Variants in SEMA3D observed in about 807,000 individuals in gnomAD.
SEMA3D encodes the protein semaphorin 3D.
Under a neutral mutation model 100.1 loss-of-function variants are expected in SEMA3D, and 84 were observed. The observed-to-expected ratio is 0.84, with a 90% confidence interval of 0.70 to 1.01. SEMA3D has a LOEUF of 1.01. SEMA3D is among the 50% of genes least tolerant of loss of function. The pLI is 0.00. For synonymous variants in SEMA3D, 312 were observed against 320.7 expected (o/e 0.97, Z 0.29); for missense variants, 875 against 934.1 (o/e 0.94, Z 0.82).
At chr7:85,102,394 C>T (rs1201170768) in intron 3 of SEMA3D, among the ~76,000 whole-genome samples, 1 of 151,934 alleles carries the variant, frequency 6.6e-6, no homozygotes. Context: ...GAATTCCCAG[C>T]ACCTAGCTCA....
At chr7:85,157,931 G>A (rs1790644228) in intron 1 of SEMA3D, among the ~76,000 whole-genome samples, 1 of 152,066 alleles carries the variant, frequency 6.6e-6, no homozygotes, top group Admixed American at 6.6e-5. Flanking sequence ...TGTCTTTACT[G>A]CAGTCTCTGA....
chr7:85,109,214 A>T (rs1424007347), intron 3 of SEMA3D, among the ~76,000 whole-genome samples: 4 of 151,958 alleles, frequency 2.6e-5, no homozygotes, highest in East Asian at 1.9e-4. Flanking sequence ...TAATTTCCAG[A>T]TGAGAAAACC....
chr7:85,231,593 G>A, the SEMA3D span, among the ~76,000 whole-genome samples: 1 of 151,900 alleles, frequency 6.6e-6, no homozygotes, highest in Non-Finnish European at 1.5e-5. Context: ...TGGGACTACA[G>A]GCGTCTGCCA....
intron 4 of SEMA3D, 141 bp downstream of exon 4, chr7:85,097,664 T>C (rs1202555642): frequency 4.3e-6 from 2 of 467,912 alleles, no homozygotes; most frequent in African/African-American, 2.0e-5. Context: ...AGAGGCAATA[T>C]ATTCTTTATG....
intron 15 of SEMA3D, among the ~76,000 whole-genome samples, chr7:85,016,667 A>G (rs577305473): frequency 3.2e-4 from 49 of 151,798 alleles, no homozygotes; most frequent in African/African-American, 1.1e-3. Flanking sequence ...CTACCCCAGT[A>G]CCCAGTCTAT....
At chr7:85,005,589 A>G (rs890909454) in intron 18 of SEMA3D, among the ~76,000 whole-genome samples, 6 of 152,112 alleles carry the variant, frequency 3.9e-5, no homozygotes, top group Non-Finnish European at 7.4e-5. Flanking sequence ...CAGTAGAGCT[A>G]TATCTTTAAA....
At chr7:85,246,574 A>C in the SEMA3D span, among the ~76,000 whole-genome samples, 1 of 152,054 alleles carries the variant, frequency 6.6e-6, no homozygotes, top group Non-Finnish European at 1.5e-5. Flanking sequence ...AACCTCAAGG[A>C]GATAAATCAT....
intron 9 of SEMA3D, among the ~76,000 whole-genome samples, chr7:85,047,577 T>G (rs1489834533): frequency 1.3e-5 from 2 of 151,840 alleles, no homozygotes; most frequent in Admixed American, 1.3e-4. Context: ...CAGTGGCTTT[T>G]GGAAAATGTA....
At chr7:85,222,441 G>C in the SEMA3D span, among the ~76,000 whole-genome samples, 1 of 151,992 alleles carries the variant, frequency 6.6e-6, no homozygotes, top group Non-Finnish European at 1.5e-5. Flanking sequence ...GTAAATATAT[G>C]TATATAGTCT....
chr7:85,024,918 T>C, intron 12 of SEMA3D, among the ~76,000 whole-genome samples: 1 of 151,956 alleles, frequency 6.6e-6, no homozygotes, highest in Non-Finnish European at 1.5e-5. Context: ...TGTATGTAGG[T>C]AAGAGTAAAG....
chr7:85,167,392 G>T (rs1790935226), intron 1 of SEMA3D: 6 of 984,218 alleles, frequency 6.1e-6, no homozygotes, highest in Non-Finnish European at 7.2e-6. Context: ...AAGCTAGAAG[G>T]ATCGGTGGTT....
At chr7:85,125,786 G>A (rs2116416540) in intron 2 of SEMA3D, among the ~76,000 whole-genome samples, 1 of 66,776 alleles carries the variant, frequency 1.5e-5, no homozygotes, top group African/African-American at 1.0e-4. Context: ...CTGTCTTCGT[G>A]TGTGTGTGTG....
intron 1 of SEMA3D, chr7:85,167,296 T>C: frequency 1.0e-6 from 1 of 984,952 alleles, no homozygotes; most frequent in Non-Finnish European, 1.2e-6. Context: ...GCCAAGAGTA[T>C]CTGGAAATAT....
At chr7:85,214,219 A>G in the SEMA3D span, among the ~76,000 whole-genome samples, 48 of 152,306 alleles carry the variant, frequency 3.2e-4, no homozygotes, top group Non-Finnish European at 6.5e-4. Flanking sequence ...TCCACTCTTT[A>G]GAGTGAAATA....
At chr7:85,023,983 G>A (rs766271358) in intron 12 of SEMA3D, among the ~76,000 whole-genome samples, 5 of 151,864 alleles carry the variant, frequency 3.3e-5, no homozygotes, top group East Asian at 1.9e-4. Context: ...GATTAGAAAC[G>A]TCCTAGAATA....
chr7:85,233,931 C>A, the SEMA3D span, among the ~76,000 whole-genome samples: 4 of 152,010 alleles, frequency 2.6e-5, 1 homozygote, highest in Middle Eastern at 6.3e-3. Context: ...GGGGAAAATG[C>A]CATTAATGAT....
chr7:85,087,552 T>C (rs1203239750), intron 4 of SEMA3D, among the ~76,000 whole-genome samples: 1 of 152,174 alleles, frequency 6.6e-6, no homozygotes, highest in African/African-American at 2.4e-5. Flanking sequence ...TAAACAATAC[T>C]TGCAAATTGG....
intron 16 of SEMA3D, among the ~76,000 whole-genome samples, chr7:85,014,453 A>G (rs1489503414): frequency 1.3e-5 from 2 of 151,874 alleles, no homozygotes; most frequent in Non-Finnish European, 2.9e-5. Context: ...ATGTGTATAT[A>G]GAACAAATTC....
At chr7:85,250,134 C>T in the SEMA3D span, among the ~76,000 whole-genome samples, 5 of 152,054 alleles carry the variant, frequency 3.3e-5, 1 homozygote, top group Non-Finnish European at 5.9e-5. Context: ...CGGGTCACTC[C>T]CACCCGAATA....
Sources: allele counts gnomAD v4.1 joint callset (sites outside exome capture counted in the v4.1 genomes callset), GRCh38; gene constraint gnomAD v4.1.1; transcripts MANE v1.5; gene names NCBI Gene and HGNC (gene_info 2026-07-23, HGNC 2026-07-21).